NSD3: variants seen among roughly 807,000 people sequenced by gnomAD.
NSD3 encodes histone-lysine N-methyltransferase NSD3.
In NSD3, 24 loss-of-function variants were observed where a neutral mutation model predicts 160.8. The observed-to-expected ratio is 0.15, with a 90% confidence interval of 0.11 to 0.21. The LOEUF (loss-of-function observed/expected upper bound fraction) is 0.21. Among genes scored for constraint, NSD3 ranks in the 10% least tolerant of loss-of-function variants. The pLI, the probability that NSD3 is intolerant of heterozygous loss-of-function variation, is 1.00. For missense variants in NSD3, 1,157 were observed against 1,735.9 expected, an observed-to-expected ratio of 0.67 and a Z score of 5.93; for synonymous variants, 520 against 600.0, an observed-to-expected ratio of 0.87 and a Z score of 1.95.
At position 38,317,542 on chromosome 8, in the gene NSD3, C is replaced by T; in HGVS notation, c.1855+1353G>A. 1 of 1,066,182 alleles carries T rather than the reference C, an allele frequency of 9.4e-7. No homozygotes were observed. The highest frequency in any genetic ancestry group is 1.1e-6 in the Non-Finnish European group (1 of 879,780). 66.0% of individuals were successfully genotyped at this position (1,066,182 alleles called of 1,614,324 possible). ...CCAAAGACAGCTGTCATGCTGTTCT[C>T]CATGATAACGGCACTAATATTAAAA... On this transcript the variant is annotated intron_variant, in intron 9 of 23. Transcript: ENST00000317025. This position sits in a 1 kb window ranked among gnomAD's most constrained non-coding sequence, Gnocchi z 5.3.
Position 38,276,160 on chromosome 8 carries a change from G to A in NSD3, c.4072+136C>T, listed in dbSNP as rs890887001. On this transcript the variant is annotated intron_variant, in intron 23 of 23. Coordinates refer to ENST00000317025, the MANE Select transcript of NSD3 (RefSeq NM_023034.2). ...GGTATCCCAAATGTGTAAGGGGAAA[G>A]ATTTTTGCCAGCGTAATTTTTCGCT... The A allele has an allele frequency of 3.2e-5, 33 of 1,039,984 alleles. No homozygotes were observed. In the African/African-American group the frequency reaches 3.9e-4, roughly 12 times the overall value. The allele number at this position is 1,039,984 out of a possible 1,614,324, so 64.4% of individuals were successfully genotyped here.
In NSD3 at chr8:38,348,049, A is replaced by T; in HGVS notation, c.123T>A (p.Ala41=). 1 of 1,614,220 alleles carries T rather than the reference A, an allele frequency of 6.2e-7. No individual in the cohort carries two copies. Among genetic ancestry groups the T allele is most frequent in the Non-Finnish European group, 8.5e-7 (1 of 1,180,054 alleles). ...CATATGGTGTCTGGCCACCATCTTC[A>T]GCAATGTCACTGTTGTTATCAAAGG... The part of the protein sequence containing the change: ...EDAFDNNSDI[A]EDGGQTPYEA... The change falls in exon 2 of 24, where the codon GCT becomes GCA. Residue 41 remains alanine, a synonymous_variant. Coordinates refer to ENST00000317025, the MANE Select transcript of NSD3 (RefSeq NM_023034.2).
intron 19 of NSD3, among the ~76,000 whole-genome samples, chr8:38,284,404 T>C (rs996596277): frequency 6.6e-6 from 1 of 152,222 alleles, no homozygotes; most frequent in Non-Finnish European, 1.5e-5. Flanking sequence ...ATTTTCTGTT[T>C]TGAGACGGAG....
rs961612302 is a variant in NSD3, at chr8:38,316,669, G to A, written c.1856-627C>T. ...TCTACATATGTCATGCCATTTAGAA[G>A]GCACATTGCTGAGGGCTGTAAATGG... On this transcript the variant is annotated intron_variant, in intron 9 of 23. Transcript: ENST00000317025. This position sits in a 1 kb window ranked among gnomAD's most constrained non-coding sequence, Gnocchi z 4.5. 8 of 1,054,370 alleles carry A rather than the reference G, an allele frequency of 7.6e-6. No homozygotes were observed. In the East Asian group the frequency reaches 4.3e-4, roughly 56 times the overall value. 65.3% of individuals were successfully genotyped at this position (1,054,370 alleles called of 1,614,324 possible).
intron 3 of NSD3, 49 bp from the exon 4 acceptor site, chr8:38,337,516 T>C: frequency 1.4e-6 from 2 of 1,479,092 alleles, no homozygotes; most frequent in Non-Finnish European, 1.8e-6. Flanking sequence ...AAAAAGAAAC[T>C]ATGTATAAAG....
chr8:38,277,137 T>C (rs1488088193), intron 22 of NSD3, among the ~76,000 whole-genome samples: 1 of 152,226 alleles, frequency 6.6e-6, no homozygotes, highest in Non-Finnish European at 1.5e-5. Flanking sequence ...AGACGGGGTT[T>C]CACTGTGTTG....
At chr8:38,364,854 A>C (rs2150392296) in intron 1 of NSD3, among the ~76,000 whole-genome samples, 1 of 152,326 alleles carries the variant, frequency 6.6e-6, no homozygotes, top group South Asian at 2.1e-4. Context: ...TTAATCCAAC[A>C]ATTTTTCTAA....
At chr8:38,353,437 C>T (rs933740624) in intron 1 of NSD3, among the ~76,000 whole-genome samples, 1 of 152,184 alleles carries the variant, frequency 6.6e-6, no homozygotes, top group Non-Finnish European at 1.5e-5. Context: ...TAACAAGATG[C>T]AACCTGTGTT....
chr8:38,338,595 T>C lies in NSD3; in HGVS notation c.688A>G (p.Arg230Gly), dbSNP rs756725852. 8 of 1,613,766 alleles carry C rather than the reference T, an allele frequency of 5.0e-6. No homozygotes were observed. In the South Asian group the frequency reaches 7.7e-5, roughly 16 times the overall value. ...GGTTTTTCTGATACAGTGTCAACCC[T>C]CTCATTTGGTCTCTAGGTGAAAAGG... ...EPEEQNRPNE[R>G]VDTVSEKPRE... The change falls in exon 3 of 24, where the codon AGG (arginine) becomes GGG (glycine). Residue 230 changes from arginine (R) to glycine (G), a missense_variant. Arg to Gly is a moderately radical substitution (Grantham distance 125). Transcript: ENST00000317025.
intron 14 of NSD3, among the ~76,000 whole-genome samples, chr8:38,301,269 C>A (rs1809269256): frequency 1.3e-5 from 2 of 152,192 alleles, no homozygotes; most frequent in African/African-American, 4.8e-5. Context: ...TGGTGCTCAG[C>A]CAGAGTCTTC....
At chr8:38,284,477 C>T (rs1335552184) in intron 19 of NSD3, among the ~76,000 whole-genome samples, 1 of 152,214 alleles carries the variant, frequency 6.6e-6, no homozygotes, top group Non-Finnish European at 1.5e-5. Context: ...CAACCTCCGC[C>T]TCCTGGATTC....
At chr8:38,340,537 C>A (rs1810338459) in intron 2 of NSD3, among the ~76,000 whole-genome samples, 2 of 151,524 alleles carry the variant, frequency 1.3e-5, no homozygotes, top group Admixed American at 1.3e-4. Context: ...GGGGTTTTGC[C>A]ATGTTGGCCA....
At position 38,304,785 on chromosome 8, in the gene NSD3, C is replaced by A. The variant is rs747692964; in HGVS notation, c.2441-28G>T. 9 of 1,574,836 alleles carry A rather than the reference C, an allele frequency of 5.7e-6. No individual in the cohort carries two copies. The African/African-American group carries it at 1.1e-4, about 19-fold the overall frequency. ...GTTTAAAGACAAGTCAAAAAGGAAT[C>A]TAATAAGGCATCAGCGGGACATAAA... On this transcript the variant is annotated intron_variant, in intron 13 of 23. Coordinates refer to ENST00000317025, the MANE Select transcript of NSD3 (RefSeq NM_023034.2).
chr8:38,361,335 G>A (rs887168686), intron 1 of NSD3, among the ~76,000 whole-genome samples: 2 of 149,450 alleles, frequency 1.3e-5, no homozygotes, highest in African/African-American at 2.5e-5. Flanking sequence ...TCACCGTGTT[G>A]GCCAGACTGG....
At position 38,382,136 on chromosome 8, in the gene NSD3, T is replaced by G. The variant is rs1375059291; in HGVS notation, c.-382A>C. 1 of 152,618 alleles carries G rather than the reference T, an allele frequency of 6.6e-6. No homozygotes were observed. The highest frequency in any genetic ancestry group is 6.6e-5 in the Admixed American group (1 of 15,246). The allele number at this position is 152,618 out of a possible 1,614,324, so 9.5% of individuals were successfully genotyped here. On this transcript the variant is annotated 5_prime_UTR_variant, in exon 1 of 24. Coordinates refer to ENST00000317025, the MANE Select transcript of NSD3 (RefSeq NM_023034.2). This position sits in a 1 kb window ranked among gnomAD's most constrained non-coding sequence, Gnocchi z 4.2. ...GGAGCCTGCGGCTGGCAGCCCGGCC[T>G]GGGTAGCACGGTCCTCGGCGCTCGG...
At chr8:38,347,353 T>C in intron 2 of NSD3, 144 bp downstream of exon 2, 2 of 811,012 alleles carry the variant, frequency 2.5e-6, no homozygotes, top group Non-Finnish European at 3.8e-6. Flanking sequence ...TCAGCACCTA[T>C]TATAATATTC....
chr8:38,371,425 A>G (rs1811240258), intron 1 of NSD3, among the ~76,000 whole-genome samples: 1 of 152,212 alleles, frequency 6.6e-6, no homozygotes, highest in African/African-American at 2.4e-5. Flanking sequence ...ACTCTACTGC[A>G]TACACAAAGC....
Position 38,326,551 on chromosome 8 carries a change from A to T in NSD3, c.1708+179T>A, listed in dbSNP as rs1441857353. On this transcript the variant is annotated intron_variant, in intron 7 of 23. Coordinates refer to ENST00000317025, the MANE Select transcript of NSD3 (RefSeq NM_023034.2). ...GTACAAAAAATAACTTGCTATGAAT[A>T]AAGTTCTCTAGCCCCTAACCCACTT... Among the ~76,000 whole-genome samples, 4 of 152,240 alleles carry T rather than the reference A, an allele frequency of 2.6e-5. No individual in the cohort carries two copies. In the South Asian group the frequency reaches 6.2e-4, roughly 24 times the overall value.
chr8:38,270,514 C>G lies in NSD3; in HGVS notation c.*5127G>C, dbSNP rs1585841702. The G allele has an allele frequency of 6.6e-6, 1 of 152,178 alleles. No individual in the cohort carries two copies. Among genetic ancestry groups the G allele is most frequent in the Non-Finnish European group, 1.5e-5 (1 of 68,030 alleles). 9.4% of individuals were successfully genotyped at this position (152,178 alleles called of 1,614,324 possible). On this transcript the variant is annotated 3_prime_UTR_variant, in exon 24 of 24. Coordinates refer to ENST00000317025, the MANE Select transcript of NSD3 (RefSeq NM_023034.2). Reference sequence around the variant, plus strand: ...ATTAGTGGCAATATAATTATCTTAACATAGGGCATGTAACAGGACAAATGA... The same window carrying G: ...ATTAGTGGCAATATAATTATCTTAAGATAGGGCATGTAACAGGACAAATGA...
Sources: allele counts gnomAD v4.1 joint callset (sites outside exome capture counted in the v4.1 genomes callset), GRCh38; gene constraint gnomAD v4.1.1; non-coding constraint Gnocchi (gnomAD v3.1); transcripts MANE v1.5; gene names NCBI Gene and HGNC (gene_info 2026-07-23, HGNC 2026-07-21).